The following SCN3A variants were observed in gnomAD, a reference collection of about 807,000 sequenced individuals.
The protein encoded by SCN3A is sodium channel protein type 3 subunit alpha.
Under a neutral mutation model 187.6 loss-of-function variants are expected in SCN3A, and 60 were observed. The observed-to-expected ratio is 0.32, with a 90% CI of 0.26 to 0.40. SCN3A has a LOEUF of 0.40. Among genes scored for constraint, SCN3A ranks in the 10% least tolerant of loss-of-function variants. The pLI is 1.00. For synonymous variants in SCN3A, 788 were observed against 829.2 expected, an observed-to-expected ratio of 0.95 and a Z score of 0.85; for missense variants, 1,601 against 2,428.2, an observed-to-expected ratio of 0.66 and a Z score of 7.16.
chr2:165,136,695 T>G (rs989392089), intron 15 of SCN3A, among the ~76,000 whole-genome samples: 8 of 152,218 alleles, frequency 5.3e-5, no homozygotes, highest in African/African-American at 1.9e-4. Context: ...GGTTATTTAT[T>G]GAGTGACTAG....
At chr2:165,098,684 G>A (rs991967254) in intron 22 of SCN3A, among the ~76,000 whole-genome samples, 1 of 152,066 alleles carries the variant, frequency 6.6e-6, no homozygotes, top group East Asian at 1.9e-4. Flanking sequence ...AAAATAAGGC[G>A]GGTTGGACAA....
chr2:165,106,136 C>T (rs1024927705), intron 21 of SCN3A, among the ~76,000 whole-genome samples: 3 of 152,116 alleles, frequency 2.0e-5, no homozygotes, highest in African/African-American at 7.2e-5. Context: ...GCACTCATCA[C>T]TGGTGACTAC....
At chr2:165,095,088 A>G (rs1036844826) in intron 25 of SCN3A, among the ~76,000 whole-genome samples, 2 of 152,222 alleles carry the variant, frequency 1.3e-5, no homozygotes, top group South Asian at 2.1e-4. Flanking sequence ...ACAAAAAGCC[A>G]TGGAGGTACA....
intron 11 of SCN3A, among the ~76,000 whole-genome samples, chr2:165,147,291 GGGGGT>G (rs1168191779): frequency 1.0e-4 from 14 of 138,306 alleles, no homozygotes; most frequent in South Asian, 5.0e-4. Flanking sequence ...TTTGGGGGGG[GGGGGT>G]TGGTGACAAC....
chr2:165,142,337 G>A (rs1445763909), intron 12 of SCN3A, among the ~76,000 whole-genome samples: 1 of 152,070 alleles, frequency 6.6e-6, no homozygotes, highest in Non-Finnish European at 1.5e-5. Flanking sequence ...ATTTTCTTAG[G>A]CCCCAATTTT....
chr2:165,094,540 A>G, intron 25 of SCN3A, 62 bp from the exon 26 acceptor site: 2 of 1,084,920 alleles, frequency 1.8e-6, no homozygotes, highest in Non-Finnish European at 2.8e-6. Context: ...CACAAAAAAT[A>G]TTTGTCTTTC....
At position 165,159,472 on chromosome 2, in the gene SCN3A, T is replaced by C. The variant is rs1337286819; in HGVS notation, c.1031+2836A>G. Among the ~76,000 whole-genome samples, 3 of 136,866 alleles carry C rather than the reference T, an allele frequency of 2.2e-5. 1 individual carries two copies. Among genetic ancestry groups the C allele is most frequent in the Non-Finnish European group, 4.5e-5 (3 of 66,542 alleles). The allele number at this position is 136,866 out of a possible 152,430, so 89.8% of individuals were successfully genotyped here. A position where few individuals can be genotyped will look rare whatever the true frequency, so the allele number is the denominator to read the frequency against. ...CCCAGGCTCAAGTAATCCTTCTGCC[T>C]CAGCCTCCTGAGTAGCTGGTACCAC... On this transcript the variant is annotated intron_variant, in intron 9 of 27. Transcript: ENST00000283254.
At chr2:165,202,833 C>T (rs190805719) in intron 1 of SCN3A, among the ~76,000 whole-genome samples, 1 of 152,022 alleles carries the variant, frequency 6.6e-6, no homozygotes, top group Non-Finnish European at 1.5e-5. Context: ...TCCTCATAAG[C>T]CACATTATAC....
intron 19 of SCN3A, 80 bp downstream of exon 19, chr2:165,115,375 T>G: frequency 6.3e-7 from 1 of 1,580,008 alleles, no homozygotes; most frequent in Non-Finnish European, 8.7e-7. Flanking sequence ...TTTCATAAAT[T>G]TTTTTTTTTA....
intron 1 of SCN3A, among the ~76,000 whole-genome samples, chr2:165,192,083 T>G (rs1220241388): frequency 6.6e-6 from 1 of 152,160 alleles, no homozygotes; most frequent in East Asian, 1.9e-4. Flanking sequence ...AACTTTGTTT[T>G]GTATTATATA....
At chr2:165,122,254 T>TA (rs10689563) in intron 18 of SCN3A, among the ~76,000 whole-genome samples, 2 of 149,310 alleles carry the variant, frequency 1.3e-5, no homozygotes, top group Non-Finnish European at 3.0e-5. Flanking sequence ...TTTTTTTTTT[T>TA]ACAGAACCTT....
intron 18 of SCN3A, among the ~76,000 whole-genome samples, chr2:165,118,294 A>G (rs552827423): frequency 6.6e-6 from 1 of 152,296 alleles, no homozygotes; most frequent in African/African-American, 2.4e-5. Context: ...CCATTCTGCT[A>G]TTGTCCAAGG....
intron 27 of SCN3A, chr2:165,091,808 A>G (rs1214070808): frequency 3.7e-6 from 1 of 268,446 alleles, no homozygotes; most frequent in Non-Finnish European, 7.1e-6. Flanking sequence ...TTCTCCTACT[A>G]AATCTCAACT....
chr2:165,188,195 ATCTT>A (rs1312522002), intron 1 of SCN3A, among the ~76,000 whole-genome samples: 2 of 152,108 alleles, frequency 1.3e-5, no homozygotes, highest in Non-Finnish European at 2.9e-5. Context: ...TGCTTGAGTT[ATCTT>A]TCTTTTTCCT....
intron 11 of SCN3A, among the ~76,000 whole-genome samples, chr2:165,152,791 A>C (rs1374641677): frequency 2.0e-5 from 3 of 152,090 alleles, no homozygotes; most frequent in Non-Finnish European, 4.4e-5. Context: ...GGAGGTGGGA[A>C]GGATAGCATT....
At chr2:165,191,603 C>T (rs1691618063) in intron 1 of SCN3A, among the ~76,000 whole-genome samples, 1 of 152,068 alleles carries the variant, frequency 6.6e-6, no homozygotes, top group Non-Finnish European at 1.5e-5. Flanking sequence ...ACTCTTCTAT[C>T]TCCTTCAAGT....
Position 165,109,106 on chromosome 2 carries a change from T to C in SCN3A, c.3843+3779A>G, listed in dbSNP as rs188064275. ...CCTCTCCTTTGGAAAAACCCAACTA[T>C]CTTCTCTGGGTTTCTATGACACCAT... On this transcript the variant is annotated intron_variant, in intron 21 of 27. Coordinates refer to ENST00000283254, the MANE Select transcript of SCN3A (RefSeq NM_006922.4). Among the ~76,000 whole-genome samples, 383 of 152,320 alleles carry C rather than the reference T, an allele frequency of 2.5e-3. 3 individuals are homozygous for C. The highest frequency in any genetic ancestry group is 6.8e-3 in the Middle Eastern group (2 of 294).
At chr2:165,128,455 T>C (rs1341902368) in intron 17 of SCN3A, among the ~76,000 whole-genome samples, 1 of 151,688 alleles carries the variant, frequency 6.6e-6, no homozygotes, top group African/African-American at 2.4e-5. Context: ...GAGAGAAAGA[T>C]ACTTTCTTCT....
At chr2:165,097,621 A>G (rs1685420929) in intron 22 of SCN3A, 97 bp from the exon 23 acceptor site, 1 of 1,458,826 alleles carries the variant, frequency 6.9e-7, no homozygotes, top group Non-Finnish European at 9.4e-7. Flanking sequence ...GCTTGAAAAG[A>G]GTTAAATAAA....
Sources: gnomAD v4.1 joint callset for allele counts (sites outside exome capture counted in the v4.1 genomes callset) on GRCh38, gnomAD v4.1.1 for gene constraint, MANE v1.5 for transcripts, NCBI Gene and HGNC (gene_info 2026-07-23, HGNC 2026-07-21) for gene names.